The following WDR27 variants were observed in gnomAD, a reference collection of about 807,000 sequenced individuals.
The protein encoded by WDR27 is WD repeat-containing protein 27.
WDR27 carries 100 observed loss-of-function variants against 114.4 expected under a neutral mutation model. That is an observed-to-expected ratio of 0.87 (90% CI 0.74 to 1.03). The LOEUF (loss-of-function observed/expected upper bound fraction) is 1.03. Among genes scored for constraint, WDR27 ranks in the 50% least tolerant of loss-of-function variants. The probability of loss-of-function intolerance (pLI) is 0.00; values close to 1 mark genes in which losing one functional copy is unlikely to be tolerated. For missense variants in WDR27, 1,129 were observed against 1,092.9 expected (o/e 1.03, Z -0.47); for synonymous variants, 449 against 423.1 (o/e 1.06, Z -0.75).
chr6:169,694,036 G>A (rs552786833), intron 1 of WDR27, among the ~76,000 whole-genome samples: 27 of 152,268 alleles, frequency 1.8e-4, no homozygotes, highest in African/African-American at 6.0e-4. Context: ...CATGCCGGGC[G>A]CAGTGGCTCA....
At chr6:169,564,422 G>A (rs564547971) in intron 25 of WDR27, among the ~76,000 whole-genome samples, 11 of 152,304 alleles carry the variant, frequency 7.2e-5, no homozygotes, top group Non-Finnish European at 1.3e-4. Context: ...AATACTTTGC[G>A]TCCTTCAATC....
chr6:169,515,223 T>C (rs1793481693), intron 25 of WDR27, among the ~76,000 whole-genome samples: 1 of 151,926 alleles, frequency 6.6e-6, no homozygotes, highest in Non-Finnish European at 1.5e-5. Flanking sequence ...CAGAAATGTG[T>C]GCGTGTGTGC....
intron 13 of WDR27, among the ~76,000 whole-genome samples, chr6:169,657,223 G>A (rs560501951): frequency 3.3e-5 from 5 of 152,196 alleles, no homozygotes; most frequent in African/African-American, 1.2e-4. Flanking sequence ...TCTGCAAGGC[G>A]GGTCAGAACC....
intron 25 of WDR27, among the ~76,000 whole-genome samples, chr6:169,506,589 C>T (rs562127585): frequency 2.0e-4 from 30 of 152,178 alleles, no homozygotes; most frequent in Non-Finnish European, 3.2e-4. Context: ...AAGCCATAGA[C>T]GGCAACAAAT....
intron 23 of WDR27, among the ~76,000 whole-genome samples, chr6:169,586,153 T>C (rs1482201903): frequency 6.6e-6 from 1 of 152,194 alleles, no homozygotes; most frequent in Non-Finnish European, 1.5e-5. Flanking sequence ...TGGTGTCTGT[T>C]AGCTCTTGAA....
chr6:169,472,236 C>T (rs1399661123), intron 25 of WDR27, among the ~76,000 whole-genome samples: 5 of 152,186 alleles, frequency 3.3e-5, no homozygotes, highest in African/African-American at 1.2e-4. Context: ...TTATTTCACA[C>T]AGGCAATGCC....
At chr6:169,434,388 T>A in the WDR27 span, among the ~76,000 whole-genome samples, 1 of 152,118 alleles carries the variant, frequency 6.6e-6, no homozygotes, top group Admixed American at 6.6e-5. Flanking sequence ...ATTAGAGGGT[T>A]TAGATGTGTG....
intron 22 of WDR27, among the ~76,000 whole-genome samples, chr6:169,606,722 A>G (rs1347833536): frequency 1.3e-5 from 2 of 152,190 alleles, no homozygotes; most frequent in African/African-American, 4.8e-5. Flanking sequence ...ACTGATGGGC[A>G]TCTGGGTTGA....
chr6:169,456,103 C>G (rs1396497980), downstream of WDR27, among the ~76,000 whole-genome samples: 1 of 152,056 alleles, frequency 6.6e-6, no homozygotes, highest in African/African-American at 2.4e-5. This position sits in a 1 kb window ranked among gnomAD's most constrained non-coding sequence, Gnocchi z 4.0. Context: ...CTTTATTTAT[C>G]TATTTTTAGC....
In WDR27 at chr6:169,638,619, G is replaced by A. The variant is rs756609389; in HGVS notation, c.1789C>T (p.Arg597Trp). Residue 597 changes from arginine (R) to tryptophan (W), a missense_variant, in exon 18 of 26, where the codon CGG becomes TGG. Physicochemically the swap from Arg to Trp is moderately radical, Grantham distance 101. Transcript: ENST00000448612. ...CGGGCCGCAGAGAGCAGCCACCTCCGGTCCTGGCTCCAGCACACGGCATTC... is the reference window on the plus strand; with the variant it reads ...CGGGCCGCAGAGAGCAGCCACCTCCAGTCCTGGCTCCAGCACACGGCATTC... ...AVNAVCWSQD[R>W]RWLLSAARDG... 19 of 1,607,380 alleles carry A rather than the reference G, an allele frequency of 1.2e-5. No individual in the cohort carries two copies. The highest frequency in any genetic ancestry group is 1.1e-4 in the East Asian group (5 of 44,576).
At chr6:169,695,684 G>A (rs914265820) in intron 1 of WDR27, among the ~76,000 whole-genome samples, 17 of 152,178 alleles carry the variant, frequency 1.1e-4, no homozygotes, top group Non-Finnish European at 2.4e-4. Context: ...CTCTCCCTAA[G>A]ATGTCTGCAT....
intron 25 of WDR27, among the ~76,000 whole-genome samples, chr6:169,525,783 A>G (rs1252803021): frequency 2.6e-5 from 4 of 152,168 alleles, no homozygotes; most frequent in South Asian, 2.1e-4. Context: ...AGATACACGC[A>G]CTCTCATGTT....
chr6:169,451,395 C>T, the WDR27 span, among the ~76,000 whole-genome samples: 1 of 152,170 alleles, frequency 6.6e-6, no homozygotes, highest in Non-Finnish European at 1.5e-5. Flanking sequence ...GTTCCCCGAC[C>T]ACCATCACCA....
intron 1 of WDR27, among the ~76,000 whole-genome samples, chr6:169,690,755 C>A (rs1419481869): frequency 6.6e-6 from 1 of 152,196 alleles, no homozygotes; most frequent in Non-Finnish European, 1.5e-5. Flanking sequence ...CCTCCCAGCC[C>A]CTTGACTGAG....
At chr6:169,678,350 T>C (rs1004630196) in intron 2 of WDR27, among the ~76,000 whole-genome samples, 1 of 152,246 alleles carries the variant, frequency 6.6e-6, no homozygotes. Flanking sequence ...TATGATTTAA[T>C]GACTGTCCTG....
intron 13 of WDR27, among the ~76,000 whole-genome samples, chr6:169,654,794 G>A (rs76671027): frequency 3.4e-4 from 52 of 152,164 alleles, no homozygotes; most frequent in African/African-American, 1.2e-3. Flanking sequence ...TTCAGGAGAC[G>A]GAGGCGCGCT....
intron 17 of WDR27, among the ~76,000 whole-genome samples, chr6:169,639,751 G>T (rs779294714): frequency 6.6e-6 from 1 of 152,164 alleles, no homozygotes; most frequent in Non-Finnish European, 1.5e-5. Flanking sequence ...CCCAGACCCT[G>T]AGCACGTGCT....
chr6:169,559,681 T>A (rs1397688643), intron 25 of WDR27: 2 of 152,202 alleles, frequency 1.3e-5, no homozygotes, highest in Non-Finnish European at 2.9e-5. Flanking sequence ...TGCTCTTGAA[T>A]CTGCCCCGAA....
chr6:169,522,032 C>T (rs1794447270), intron 25 of WDR27, among the ~76,000 whole-genome samples: 3 of 151,956 alleles, frequency 2.0e-5, no homozygotes, highest in Admixed American at 2.0e-4. Context: ...AATTAAAAGG[C>T]ATAGAGTGGC....
Sources: gnomAD v4.1 joint callset for allele counts (sites outside exome capture counted in the v4.1 genomes callset) on GRCh38, gnomAD v4.1.1 for gene constraint, Gnocchi (gnomAD v3.1) non-coding constraint, MANE v1.5 for transcripts, NCBI Gene and HGNC (gene_info 2026-07-23, HGNC 2026-07-21) for gene names.